The following ABCB10 variants were observed in gnomAD, a reference collection of about 807,000 sequenced individuals.
ABCB10 encodes ATP binding cassette subfamily B member 10.
A neutral mutation model predicts 65.4 loss-of-function variants in ABCB10; 54 were observed. The observed-to-expected ratio is 0.83, with a 90% CI of 0.66 to 1.04. The LOEUF is 1.04. Among genes scored for constraint, ABCB10 ranks in the 50% least tolerant of loss-of-function variants. ABCB10 has a pLI of 0.00. For synonymous variants in ABCB10, 418 were observed against 406.5 expected, an observed-to-expected ratio of 1.03 and a Z score of -0.34; for missense variants, 846 against 976.6, an observed-to-expected ratio of 0.87 and a Z score of 1.78.
intron 5 of ABCB10, among the ~76,000 whole-genome samples, chr1:229,539,982 T>C (rs1282270594): frequency 1.3e-5 from 2 of 152,242 alleles, no homozygotes; most frequent in Admixed American, 6.5e-5. Context: ...CTCCTGTATG[T>C]ATGGCCTGCT....
At chr1:229,551,036 T>C (rs1012790777) in intron 1 of ABCB10, among the ~76,000 whole-genome samples, 1 of 152,080 alleles carries the variant, frequency 6.6e-6, no homozygotes, top group African/African-American at 2.4e-5. Flanking sequence ...ATCTCAGCCT[T>C]GCAAAGTGCT....
chr1:229,542,052 T>C (rs753575428), intron 4 of ABCB10, among the ~76,000 whole-genome samples, 185 bp downstream of exon 4: 2 of 151,822 alleles, frequency 1.3e-5, no homozygotes, highest in Non-Finnish European at 2.9e-5. Context: ...CTTTGAGATA[T>C]GGGTAGAAAT....
At chr1:229,549,082 G>A in intron 2 of ABCB10, 152 bp downstream of exon 2, 1 of 715,034 alleles carries the variant, frequency 1.4e-6, no homozygotes, top group Non-Finnish European at 2.4e-6. Flanking sequence ...CAACATCTGG[G>A]CAGTCATTGG....
At chr1:229,548,775 G>C (rs1230892172) in intron 2 of ABCB10, among the ~76,000 whole-genome samples, 1 of 150,922 alleles carries the variant, frequency 6.6e-6, no homozygotes, top group Non-Finnish European at 1.5e-5. Context: ...CGATTCTCCT[G>C]CCTCAGCCTC....
At position 229,558,617 on chromosome 1, in the gene ABCB10, G is replaced by C. The variant is rs1034897043; in HGVS notation, c.36C>G (p.Leu12=). Reference sequence around the variant, plus strand: ...CTGGCTCGGCAGGGCTCGGTGGCTCGAGCAGCCGCAGCGGCCAGGCAGGGG... The same window carrying C: ...CTGGCTCGGCAGGGCTCGGTGGCTCCAGCAGCCGCAGCGGCCAGGCAGGGG... ...RGPPAWPLRL[L]EPPSPAEPGR... is the part of the protein sequence containing the mutation. Residue 12 remains leucine, a synonymous_variant, in exon 1 of 13, where the codon CTC becomes CTG. Transcript: ENST00000344517. 6 of 1,416,964 alleles carry C rather than the reference G, an allele frequency of 4.2e-6. No homozygotes were observed. The highest frequency in any genetic ancestry group is 2.8e-5 in the South Asian group (2 of 72,484). The allele number at this position is 1,416,964 out of a possible 1,614,324, so 87.8% of individuals were successfully genotyped here.
Position 229,558,329 on chromosome 1 carries a change from TG to T in ABCB10, c.323del (p.Pro108GlnfsTer104). 8.0e-7 allele frequency: 1 copy of T among 1,253,470 alleles called. No individual in the cohort carries two copies. The highest frequency in any genetic ancestry group is 1.0e-6 in the Non-Finnish European group (1 of 990,374). The allele number at this position is 1,253,470 out of a possible 1,614,324, so 77.6% of individuals were successfully genotyped here. A position where few individuals can be genotyped will look rare whatever the true frequency, so the allele number is the denominator to read the frequency against. Reference sequence around the variant, plus strand: ...GGGCGCGCGGGAGCCGAGGAGCGCCTGGCCCGGCAAAAGCCCCGCACCTGCA... The same window carrying T: ...GGGCGCGCGGGAGCCGAGGAGCGCCTGCCCGGCAAAAGCCCCGCACCTGCA... Reference protein sequence around the residue: ...GSCRCGAFAGPGAPRLPRARF... With the variant: ...GSCRCGAFAGXGAPRLPRARF... On this transcript the variant is annotated frameshift_variant, in exon 1 of 13. Transcript: ENST00000344517. LOFTEE classifies it high-confidence loss of function.
chr1:229,535,179 T>C (rs1435773868), intron 6 of ABCB10: 5 of 151,794 alleles, frequency 3.3e-5, no homozygotes, highest in Admixed American at 1.3e-4. Flanking sequence ...ATACTGCCAC[T>C]GTGCTAAGCT....
chr1:229,543,546 A>C (rs916431203), intron 3 of ABCB10, among the ~76,000 whole-genome samples: 6 of 152,226 alleles, frequency 3.9e-5, no homozygotes, highest in African/African-American at 1.2e-4. Context: ...CTCATTCAAC[A>C]AGTTATTACT....
At chr1:229,540,114 A>G (rs999353271) in intron 5 of ABCB10, among the ~76,000 whole-genome samples, 1 of 152,200 alleles carries the variant, frequency 6.6e-6, no homozygotes, top group Non-Finnish European at 1.5e-5. Flanking sequence ...CAGTTTACAC[A>G]TATCTGGAAT....
At chr1:229,522,101 C>T (rs542693733) in intron 10 of ABCB10, among the ~76,000 whole-genome samples, 2 of 152,300 alleles carry the variant, frequency 1.3e-5, no homozygotes, top group East Asian at 1.9e-4. Context: ...TCAAGCAATC[C>T]GCCCACCTCA....
intron 6 of ABCB10, among the ~76,000 whole-genome samples, chr1:229,537,838 A>G (rs1662756537): frequency 6.6e-6 from 1 of 152,188 alleles, no homozygotes; most frequent in Non-Finnish European, 1.5e-5. Context: ...AGCACTTAAA[A>G]TCTAATTTAA....
At position 229,558,663 on chromosome 1, in the gene ABCB10, G is replaced by GCGACCCGTACGCCT. The variant is rs1663330247; in HGVS notation, c.-25_-12dup. The stretch of plus-strand genomic sequence containing the variant: ...AGGGGGGCCTCGCATGGCGCTGCGT[G>GCGACCCGTACGCCT]CGACCCGTACGCCTCAGCCCGCCGG... On this transcript the variant is annotated 5_prime_UTR_variant, in exon 1 of 13. Transcript: ENST00000344517. 7.6e-7 allele frequency: 1 copy of GCGACCCGTACGCCT among 1,318,802 alleles called. No homozygotes were observed. Among genetic ancestry groups the GCGACCCGTACGCCT allele is most frequent in the Non-Finnish European group, 9.6e-7 (1 of 1,037,188 alleles). 81.7% of individuals were successfully genotyped at this position (1,318,802 alleles called of 1,614,324 possible). A position where few individuals can be genotyped will look rare whatever the true frequency, so the allele number is the denominator to read the frequency against.
At chr1:229,520,809 A>G (rs913622452) in intron 11 of ABCB10, among the ~76,000 whole-genome samples, 14 of 152,222 alleles carry the variant, frequency 9.2e-5, no homozygotes, top group South Asian at 2.1e-4. Context: ...GCCAAAAACC[A>G]TATATCGTCT....
intron 6 of ABCB10, chr1:229,535,162 G>A (rs1325403074): frequency 6.7e-6 from 1 of 149,600 alleles, no homozygotes; most frequent in Non-Finnish European, 1.5e-5. Context: ...AAACCTCACT[G>A]CCTATGATAC....
intron 11 of ABCB10, among the ~76,000 whole-genome samples, chr1:229,521,264 C>T (rs1438418198): frequency 6.6e-6 from 1 of 152,088 alleles, no homozygotes; most frequent in African/African-American, 2.4e-5. Context: ...AATATGCATA[C>T]TTACGCTGTT....
intron 8 of ABCB10, among the ~76,000 whole-genome samples, chr1:229,529,667 C>CAAAAAAA (rs969766089): frequency 8.6e-5 from 2 of 23,210 alleles, no homozygotes; most frequent in African/African-American, 1.8e-4. Context: ...AAGACTGTCT[C>CAAAAAAA]AAAAAAAAAA....
At chr1:229,539,855 T>A (rs1241014311) in intron 5 of ABCB10, among the ~76,000 whole-genome samples, 7 of 152,158 alleles carry the variant, frequency 4.6e-5, no homozygotes, top group Non-Finnish European at 1.5e-5. Flanking sequence ...TTGCAAAAGA[T>A]AAAAGTAATA....
At chr1:229,534,862 A>G (rs1452389703) in intron 6 of ABCB10, among the ~76,000 whole-genome samples, 1 of 98,246 alleles carries the variant, frequency 1.0e-5, no homozygotes, top group African/African-American at 4.0e-5. Flanking sequence ...ACAGAGCAAG[A>G]CTCCATCTCA....
intron 1 of ABCB10, among the ~76,000 whole-genome samples, chr1:229,556,895 A>C (rs1663262107): frequency 6.6e-6 from 1 of 152,208 alleles, no homozygotes; most frequent in Non-Finnish European, 1.5e-5. Context: ...TAGAGACAGA[A>C]AGATGAATCG....
Sources: gnomAD v4.1 joint callset for allele counts (sites outside exome capture counted in the v4.1 genomes callset) on GRCh38, gnomAD v4.1.1 for gene constraint, MANE v1.5 for transcripts, NCBI Gene and HGNC (gene_info 2026-07-23, HGNC 2026-07-21) for gene names.